Variants in CNBD1 observed in about 807,000 individuals in gnomAD.
The protein encoded by CNBD1 is cyclic nucleotide binding domain containing 1, also known as cyclic nucleotide-binding domain-containing protein 1.
CNBD1 carries 71 observed loss-of-function variants against 54.4 expected under a neutral mutation model. The observed-to-expected ratio is 1.30, with a 90% CI of 1.08 to 1.59. The LOEUF (loss-of-function observed/expected upper bound fraction) is 1.59. CNBD1 is among the 40% of genes most tolerant of loss of function. The probability of loss-of-function intolerance (pLI) is 0.00; values close to 1 mark genes in which losing one functional copy is unlikely to be tolerated. For missense variants in CNBD1, 659 were observed against 518.0 expected (o/e 1.27, Z -2.64); for synonymous variants, 182 against 170.7 (o/e 1.07, Z -0.51).
intron 5 of CNBD1, among the ~76,000 whole-genome samples, chr8:87,209,851 C>G (rs1488039003): frequency 6.6e-6 from 1 of 152,056 alleles, no homozygotes. Flanking sequence ...GCTTTGTGTC[C>G]CCACCCAAAT....
intron 4 of CNBD1, among the ~76,000 whole-genome samples, chr8:87,043,676 A>T (rs527256409): frequency 6.6e-6 from 1 of 152,308 alleles, no homozygotes; most frequent in African/African-American, 2.4e-5. Context: ...CAGAAGACTC[A>T]TCACTGTCTC....
At chr8:87,406,158 T>C (rs939847882) in intron 2 of CNBD1, among the ~76,000 whole-genome samples, 1 of 152,122 alleles carries the variant, frequency 6.6e-6, no homozygotes, top group African/African-American at 2.4e-5. Context: ...ATCATTAATT[T>C]AATGATCTGT....
At chr8:87,041,193 A>G (rs2130609666) in intron 4 of CNBD1, among the ~76,000 whole-genome samples, 1 of 152,298 alleles carries the variant, frequency 6.6e-6, no homozygotes, top group South Asian at 2.1e-4. Context: ...AGCCAGATAA[A>G]GAAAGATAAA....
chr8:87,068,138 A>G (rs1170554544), intron 4 of CNBD1, among the ~76,000 whole-genome samples: 2 of 151,966 alleles, frequency 1.3e-5, no homozygotes, highest in Non-Finnish European at 2.9e-5. Context: ...CCTCCAATAT[A>G]AAGCAAGCAT....
intron 8 of CNBD1, among the ~76,000 whole-genome samples, chr8:87,348,272 G>A (rs1014034156): frequency 2.0e-5 from 3 of 152,000 alleles, no homozygotes; most frequent in Non-Finnish European, 4.4e-5. Context: ...ATATTTATCT[G>A]CAAATAAATA....
At chr8:87,332,690 A>G (rs965048926) in intron 8 of CNBD1, among the ~76,000 whole-genome samples, 1 of 151,892 alleles carries the variant, frequency 6.6e-6, no homozygotes, top group Non-Finnish European at 1.5e-5. Flanking sequence ...ATGGTTGTAG[A>G]TATGTGGTCT....
At chr8:87,296,172 G>A (rs1808872446) in intron 8 of CNBD1, among the ~76,000 whole-genome samples, 1 of 152,076 alleles carries the variant, frequency 6.6e-6, no homozygotes, top group Non-Finnish European at 1.5e-5. Flanking sequence ...TAATAAAGAA[G>A]CAATTCGTAT....
chr8:86,963,090 T>A (rs1480510726), intron 4 of CNBD1, among the ~76,000 whole-genome samples: 1 of 151,848 alleles, frequency 6.6e-6, no homozygotes, highest in Non-Finnish European at 1.5e-5. Flanking sequence ...ATACCCGGGG[T>A]ATGTGACAGG....
intron 2 of CNBD1, among the ~76,000 whole-genome samples, chr8:87,406,129 A>G (rs924860326): frequency 1.3e-5 from 2 of 152,130 alleles, no homozygotes; most frequent in Non-Finnish European, 2.9e-5. Flanking sequence ...AATGATACAA[A>G]CAAGAAGGAA....
downstream of CNBD1, among the ~76,000 whole-genome samples, chr8:87,387,663 C>A (rs545398536): frequency 6.6e-6 from 1 of 152,002 alleles, no homozygotes; most frequent in Non-Finnish European, 1.5e-5. Flanking sequence ...AATGGGAGAC[C>A]TTAACACCCC....
intron 2 of CNBD1, among the ~76,000 whole-genome samples, chr8:86,903,067 A>T (rs1415385395): frequency 6.6e-6 from 1 of 152,090 alleles, no homozygotes; most frequent in Admixed American, 6.6e-5. Context: ...TAGGGGCTCA[A>T]TCTGAAAAAT....
chr8:86,890,940 G>GTT (rs920105134), intron 2 of CNBD1, among the ~76,000 whole-genome samples: 2 of 138,162 alleles, frequency 1.4e-5, no homozygotes, highest in Non-Finnish European at 3.1e-5. Context: ...ATTTTTAATT[G>GTT]TTTTTTTTTC....
At chr8:87,221,833 T>C (rs1417489091) in intron 5 of CNBD1, among the ~76,000 whole-genome samples, 1 of 152,172 alleles carries the variant, frequency 6.6e-6, no homozygotes, top group African/African-American at 2.4e-5. Context: ...GTATTTGCTT[T>C]TTTAATCTCA....
Position 87,163,073 on chromosome 8 carries a change from C to G in CNBD1, c.432-42920C>G, listed in dbSNP as rs976187843. 6.6e-6 allele frequency among the ~76,000 whole-genome samples: 1 copy of G among 152,002 alleles called. No homozygotes were observed. The highest frequency in any genetic ancestry group is 2.4e-5 in the African/African-American group (1 of 41,412). On this transcript the variant is annotated intron_variant, in intron 4 of 10. Transcript: ENST00000518476. The surrounding 1 kb of genome is among the most constrained non-coding windows in gnomAD (Gnocchi z 4.5). ...CAGAGAGAGCAGCCTTCACCACATA[C>G]CAAAGTACACAGTCTTAGGTATTAA...
intron 8 of CNBD1, among the ~76,000 whole-genome samples, chr8:87,320,619 T>C (rs374238586): frequency 7.0e-6 from 1 of 142,706 alleles, no homozygotes; most frequent in South Asian, 2.2e-4. Context: ...CGTGTGTGTG[T>C]GGGGGGGCGG....
intron 2 of CNBD1, among the ~76,000 whole-genome samples, chr8:87,422,525 T>C (rs1363346594): frequency 2.0e-5 from 3 of 152,142 alleles, no homozygotes; most frequent in South Asian, 4.2e-4. Context: ...ATTTATTAAA[T>C]AGGGAATCCT....
intron 6 of CNBD1, among the ~76,000 whole-genome samples, chr8:87,244,204 G>A (rs1283558622): frequency 6.6e-6 from 1 of 152,048 alleles, no homozygotes; most frequent in Non-Finnish European, 1.5e-5. Context: ...AGTAGGGAGG[G>A]GGCTTCCAGG....
At chr8:87,293,137 A>T (rs1808816117) in intron 8 of CNBD1, among the ~76,000 whole-genome samples, 1 of 152,232 alleles carries the variant, frequency 6.6e-6, no homozygotes, top group African/African-American at 2.4e-5. Flanking sequence ...TTTCAAAAAT[A>T]AATTTTTTTC....
Position 87,126,853 on chromosome 8 carries a change from A to G in CNBD1, c.432-79140A>G, listed in dbSNP as rs1169762538. Among the ~76,000 whole-genome samples the G allele has an allele frequency of 1.1e-3, 162 of 151,992 alleles. 1 individual carries two copies. The highest frequency in any genetic ancestry group is 6.0e-4 in the Non-Finnish European group (41 of 67,868). ...TGGGTTGAAGTTTATTATTTTGTAT[A>G]TAGATATCCAGTGGTTCCAGAACTA... is the stretch of plus-strand genomic sequence containing the variant. On this transcript the variant is annotated intron_variant, in intron 4 of 10. Coordinates refer to ENST00000518476, the MANE Select transcript of CNBD1 (RefSeq NM_173538.3).
Sources: gnomAD v4.1 joint callset for allele counts (sites outside exome capture counted in the v4.1 genomes callset) on GRCh38, gnomAD v4.1.1 for gene constraint, Gnocchi (gnomAD v3.1) non-coding constraint, MANE v1.5 for transcripts, NCBI Gene and HGNC (gene_info 2026-07-23, HGNC 2026-07-21) for gene names.